The following STK32B variants were observed in gnomAD, a reference collection of about 807,000 sequenced individuals.
STK32B encodes serine/threonine kinase 32B.
Under a neutral mutation model 52.6 loss-of-function variants are expected in STK32B, and 43 were observed. The observed-to-expected ratio is 0.82, with a 90% CI of 0.64 to 1.05. The LOEUF is 1.05. Ranked by LOEUF, STK32B falls within the 50% of genes least tolerant of loss-of-function variation. The pLI, the probability that STK32B is intolerant of heterozygous loss-of-function variation, is 0.00. For missense variants in STK32B, 621 were observed against 534.6 expected (o/e 1.16, Z -1.59); for synonymous variants, 238 against 204.3 (o/e 1.17, Z -1.41).
intron 3 of STK32B, among the ~76,000 whole-genome samples, chr4:5,293,645 TTC>T (rs1413240166): frequency 6.6e-6 from 1 of 152,030 alleles, no homozygotes; most frequent in Non-Finnish European, 1.5e-5. Flanking sequence ...GTTTGTTTTT[TTC>T]TTGTAAATTT....
chr4:5,172,438 T>C (rs1207725356), intron 3 of STK32B, among the ~76,000 whole-genome samples: 1 of 151,964 alleles, frequency 6.6e-6, no homozygotes, highest in African/African-American at 2.4e-5. Context: ...TGATATTGGC[T>C]GTGGGTTTGT....
chr4:5,171,313 G>T (rs1466444153), intron 3 of STK32B, among the ~76,000 whole-genome samples: 56 of 151,224 alleles, frequency 3.7e-4, no homozygotes, highest in East Asian at 1.2e-3. Flanking sequence ...TTAGTTTAAT[G>T]AGATCCCATT....
At chr4:5,418,928 G>A (rs554040473) in intron 6 of STK32B, among the ~76,000 whole-genome samples, 2 of 152,314 alleles carry the variant, frequency 1.3e-5, no homozygotes, top group African/African-American at 4.8e-5. Flanking sequence ...CATGGCCTGA[G>A]GAAGAAGAGA....
intron 7 of STK32B, among the ~76,000 whole-genome samples, chr4:5,455,875 G>A (rs956827544): frequency 2.0e-5 from 3 of 152,188 alleles, no homozygotes; most frequent in Non-Finnish European, 4.4e-5. Flanking sequence ...CTTCATATGG[G>A]TTAATCACGA....
chr4:5,095,303 A>G (rs551722216), intron 1 of STK32B, among the ~76,000 whole-genome samples: 3 of 152,272 alleles, frequency 2.0e-5, no homozygotes, highest in South Asian at 4.1e-4. Flanking sequence ...GCGTATTAAT[A>G]TAAATTACCT....
chr4:5,038,821 T>C, the STK32B span, among the ~76,000 whole-genome samples: 1 of 152,162 alleles, frequency 6.6e-6, no homozygotes, highest in Non-Finnish European at 1.5e-5. Context: ...TTGGCTACAC[T>C]CAATTTATAA....
chr4:5,253,498 C>T (rs1195546481), intron 3 of STK32B, among the ~76,000 whole-genome samples: 3 of 152,072 alleles, frequency 2.0e-5, no homozygotes, highest in Admixed American at 1.3e-4. Flanking sequence ...CCTCAGCCTC[C>T]GAAATGGCTG....
At chr4:5,158,360 T>A (rs935581902) in intron 2 of STK32B, among the ~76,000 whole-genome samples, 3 of 152,164 alleles carry the variant, frequency 2.0e-5, no homozygotes, top group Admixed American at 6.5e-5. Context: ...CACTGTGATG[T>A]CCTTCAGTGT....
At chr4:5,187,356 A>G (rs1360407332) in intron 3 of STK32B, among the ~76,000 whole-genome samples, 1 of 152,226 alleles carries the variant, frequency 6.6e-6, no homozygotes, top group East Asian at 1.9e-4. Flanking sequence ...TAATAGTAGT[A>G]CCAGTACCAT....
intron 4 of STK32B, among the ~76,000 whole-genome samples, chr4:5,340,803 T>A (rs191294013): frequency 2.0e-5 from 3 of 152,348 alleles, no homozygotes; most frequent in Non-Finnish European, 4.4e-5. Context: ...ATGGGGTATA[T>A]GCATGTGTAT....
intron 3 of STK32B, among the ~76,000 whole-genome samples, chr4:5,268,465 G>C (rs918634302): frequency 6.6e-6 from 1 of 151,690 alleles, no homozygotes; most frequent in Non-Finnish European, 1.5e-5. Flanking sequence ...ATGTTTGTCC[G>C]GCTGTTTTCC....
At chr4:5,428,093 G>T (rs1240115593) in intron 6 of STK32B, among the ~76,000 whole-genome samples, 1 of 151,806 alleles carries the variant, frequency 6.6e-6, no homozygotes, top group Non-Finnish European at 1.5e-5. Flanking sequence ...GATATATTGT[G>T]CTTTTAATTT....
intron 4 of STK32B, among the ~76,000 whole-genome samples, chr4:5,363,431 G>A (rs1369181317): frequency 6.6e-6 from 1 of 152,230 alleles, no homozygotes; most frequent in Non-Finnish European, 1.5e-5. Flanking sequence ...ATGTGTGACT[G>A]AGAGTCCAAA....
chr4:5,164,558 T>C (rs56941984), intron 2 of STK32B, among the ~76,000 whole-genome samples: 1,553 of 152,328 alleles, frequency 0.01, 28 homozygotes, highest in African/African-American at 0.035. Flanking sequence ...GATTTATTTC[T>C]CCCAGTTCTA....
chr4:5,055,311 C>G (rs1741959190), intron 1 of STK32B, among the ~76,000 whole-genome samples: 1 of 150,134 alleles, frequency 6.7e-6, no homozygotes, highest in African/African-American at 2.5e-5. Context: ...GTTGCCCGAG[C>G]TCACAAAGTG....
At chr4:5,104,261 G>C (rs1365589650) in intron 1 of STK32B, among the ~76,000 whole-genome samples, 3 of 152,140 alleles carry the variant, frequency 2.0e-5, no homozygotes, top group Non-Finnish European at 4.4e-5. Context: ...TTATGAAGGA[G>C]AGTTTTCCCT....
In STK32B at chr4:5,385,729, A is replaced by C. The variant is rs1371322585; in HGVS notation, c.435-12478A>C. On this transcript the variant is annotated intron_variant, in intron 4 of 11. Coordinates refer to ENST00000282908, the MANE Select transcript of STK32B (RefSeq NM_018401.3). ...AGGCTCCTGCACTCAGTCCATCCTC[A>C]TGGAACCTACACAGCCTCCTGTGCT... Among the ~76,000 whole-genome samples, 7 of 152,072 alleles carry C rather than the reference A, an allele frequency of 4.6e-5. No individual in the cohort carries two copies. In the East Asian group the frequency reaches 1.4e-3, roughly 29 times the overall value.
intron 4 of STK32B, among the ~76,000 whole-genome samples, chr4:5,359,488 G>C (rs1208148881): frequency 6.6e-6 from 1 of 150,578 alleles, no homozygotes; most frequent in African/African-American, 2.4e-5. Flanking sequence ...GTGAACTAAT[G>C]ATCAAGTTTC....
chr4:5,247,439 G>T (rs1225138661), intron 3 of STK32B, among the ~76,000 whole-genome samples: 2 of 152,064 alleles, frequency 1.3e-5, no homozygotes, highest in Non-Finnish European at 2.9e-5. Flanking sequence ...GTGTTAGGGT[G>T]GGAGTGACCC....
Sources: gnomAD v4.1 joint callset for allele counts (sites outside exome capture counted in the v4.1 genomes callset) on GRCh38, gnomAD v4.1.1 for gene constraint, MANE v1.5 for transcripts, NCBI Gene and HGNC (gene_info 2026-07-23, HGNC 2026-07-21) for gene names.